The following TM9SF1 variants were observed in gnomAD, a reference collection of about 807,000 sequenced individuals.
TM9SF1 encodes transmembrane 9 superfamily member 1.
A neutral mutation model predicts 52.4 loss-of-function variants in TM9SF1; 25 were observed. The ratio of observed to expected loss-of-function variants is 0.48; its 90% CI spans 0.35 to 0.67. TM9SF1 has a LOEUF of 0.67. Among genes scored for constraint, TM9SF1 ranks in the 30% least tolerant of loss-of-function variants. The pLI is 0.01. For synonymous variants in TM9SF1, 284 were observed against 299.8 expected, an observed-to-expected ratio of 0.95 and a Z score of 0.55; for missense variants, 604 against 780.3, an observed-to-expected ratio of 0.77 and a Z score of 2.69.
At chr14:24,190,757 G>T (rs909000902) in intron 4 of TM9SF1, 104 bp from the exon 5 acceptor site, 13 of 1,056,774 alleles carry the variant, frequency 1.2e-5, no homozygotes, top group Non-Finnish European at 1.7e-5. Flanking sequence ...GAAGCAGCCT[G>T]CCACTCTAAC....
rs1480300316 is a variant in TM9SF1, at chr14:24,192,659, G to GCCAGGAACTGGGCACCCACGC, written c.935_955dup (p.Gly312_Leu318dup). The GCCAGGAACTGGGCACCCACGC allele has an allele frequency of 6.4e-7, 1 of 1,569,842 alleles. No individual in the cohort carries two copies. Among genetic ancestry groups the GCCAGGAACTGGGCACCCACGC allele is most frequent in the Non-Finnish European group, 8.6e-7 (1 of 1,157,490 alleles). ...TTTTATCACCTCACCAGTGCCAAGG[G>GCCAGGAACTGGGCACCCACGC]CCAGGAACTGGGCACCCACGCCAAG... is the stretch of plus-strand genomic sequence containing the variant. On this transcript the variant is annotated inframe_insertion, in exon 3 of 6. Coordinates refer to ENST00000261789, the MANE Select transcript of TM9SF1 (RefSeq NM_006405.7). The surrounding 1 kb of genome is among the most constrained non-coding windows in gnomAD (Gnocchi z 4.0).
intron 2 of TM9SF1, 106 bp from the exon 3 acceptor site, chr14:24,193,375 C>CT (rs2039352694): frequency 5.2e-5 from 68 of 1,315,180 alleles, no homozygotes; most frequent in Non-Finnish European, 6.3e-5. Context: ...GTGGATAATT[C>CT]TTTTTTTTCG....
At chr14:24,193,374 T>A in intron 2 of TM9SF1, 105 bp from the exon 3 acceptor site, 1 of 1,320,938 alleles carries the variant, frequency 7.6e-7, no homozygotes. Flanking sequence ...GGTGGATAAT[T>A]CTTTTTTTTC....
At position 24,192,332 on chromosome 14, in the gene TM9SF1, C is replaced by T; in HGVS notation, c.992G>A (p.Gly331Asp). 1 of 1,613,906 alleles carries T rather than the reference C, an allele frequency of 6.2e-7. No individual in the cohort carries two copies. Among genetic ancestry groups the T allele is most frequent in the Non-Finnish European group, 8.5e-7 (1 of 1,179,978 alleles). The stretch of plus-strand genomic sequence containing the variant: ...CCCATGACGGTGCACATTGAACATG[C>T]CCAGCAGTGCCATGACAATAATGCC... ...GTGIIVMALL[G>D]MFNVHRHGAI... The change falls in exon 4 of 6, where the codon GGC becomes GAC. Residue 331 changes from glycine to aspartate, a missense_variant. By Grantham distance (94) the Gly-to-Asp change is moderately conservative (BLOSUM62 -1). This residue lies in a region of TM9SF1 where 450 missense variants were observed against 560.1 expected (regional missense o/e 0.80). Coordinates refer to ENST00000261789, the MANE Select transcript of TM9SF1 (RefSeq NM_006405.7). The surrounding 1 kb of genome is among the most constrained non-coding windows in gnomAD (Gnocchi z 4.0).
rs2039359438 is a variant in TM9SF1, at chr14:24,193,852, G to A, written c.346-583C>T. ...GGAGAATGGCGTGAACCCGGGAGGT[G>A]GAGCTTGCAGTGAGCCGAGATTGCG... is the stretch of plus-strand genomic sequence containing the variant. On this transcript the variant is annotated intron_variant, in intron 2 of 5. Transcript: ENST00000261789. 2.0e-5 allele frequency among the ~76,000 whole-genome samples: 3 copies of A among 151,578 alleles called. 1 individual carries two copies. Among genetic ancestry groups the A allele is most frequent in the South Asian group, 4.2e-4 (2 of 4,774 alleles).
chr14:24,193,045 A>G lies in TM9SF1; in HGVS notation c.570T>C (p.Asp190=). 6.2e-7 allele frequency: 1 copy of G among 1,614,216 alleles called. No individual in the cohort carries two copies. The highest frequency in any genetic ancestry group is 2.2e-5 in the East Asian group (1 of 44,888). ...SVRDVKPHSL[D]GLRPDEFLGL... Reference sequence around the variant, plus strand: ...CTAGGAACTCGTCAGGTCGTAACCCATCCAAGCTGTGGGGCTTGACGTCCC... The same window carrying G: ...CTAGGAACTCGTCAGGTCGTAACCCGTCCAAGCTGTGGGGCTTGACGTCCC... The change falls in exon 3 of 6, where the codon GAT becomes GAC. Residue 190 remains aspartate (D), a synonymous_variant. Transcript: ENST00000261789.
chr14:24,190,003 A>G, intron 5 of TM9SF1, 195 bp from the exon 6 acceptor site: 1 of 1,388,832 alleles, frequency 7.2e-7, no homozygotes, highest in Non-Finnish European at 9.3e-7. Flanking sequence ...CACTTCAAGA[A>G]TATCTTCCCT....
chr14:24,190,210 A>G, intron 5 of TM9SF1, 170 bp downstream of exon 5: 1 of 1,444,514 alleles, frequency 6.9e-7, no homozygotes, highest in Non-Finnish European at 9.1e-7. Context: ...ACACTCTCAT[A>G]TCATTCAAGC....
chr14:24,192,788 G>C lies in TM9SF1; in HGVS notation c.827C>G (p.Ser276Cys). ...ARYNLDEETT[S>C]AGSGDDFDQG... ...GTCAAAGTCATCACCAGAACCTGCA[G>C]AGGTGGTCTCCTCATCTAAGTTGTA... Residue 276 changes from serine to cysteine, a missense_variant, in exon 3 of 6, where the codon TCT becomes TGT. Physicochemically the swap from Ser to Cys is moderately radical, Grantham distance 112. This residue lies in a region of TM9SF1 where 450 missense variants were observed against 560.1 expected (regional missense o/e 0.80). Coordinates refer to ENST00000261789, the MANE Select transcript of TM9SF1 (RefSeq NM_006405.7). This position sits in a 1 kb window ranked among gnomAD's most constrained non-coding sequence, Gnocchi z 4.0. The C allele has an allele frequency of 6.2e-7, 1 of 1,614,158 alleles. No individual in the cohort carries two copies. The highest frequency in any genetic ancestry group is 8.5e-7 in the Non-Finnish European group (1 of 1,180,002).
In TM9SF1 at chr14:24,190,497, T is replaced by C. The variant is rs1193718375; in HGVS notation, c.1310A>G (p.Asn437Ser). Residue 437 changes from asparagine to serine, a missense_variant, in exon 5 of 6, where the codon AAC (asparagine) becomes AGC (serine). By Grantham distance (46) the Asn-to-Ser change is conservative (BLOSUM62 1). Transcript: ENST00000261789. ...ACAGGGTGCATCAAAGGGGCTGGCGTTGTTCTTCCCAAAGATGCCTCCAAT... is the reference window on the plus strand; with the variant it reads ...ACAGGGTGCATCAAAGGGGCTGGCGCTGTTCTTCCCAAAGATGCCTCCAAT... ...TVIGGIFGKN[N>S]ASPFDAPCRT... is the part of the protein sequence containing the mutation. The C allele has an allele frequency of 3.1e-6, 5 of 1,614,008 alleles. No individual in the cohort carries two copies. The highest frequency in any genetic ancestry group is 4.2e-6 in the Non-Finnish European group (5 of 1,180,024).
intron 2 of TM9SF1, 73 bp downstream of exon 2, chr14:24,194,602 T>A: frequency 3.6e-6 from 5 of 1,387,332 alleles, no homozygotes; most frequent in Non-Finnish European, 4.0e-6. Context: ...AAAGGTACCC[T>A]GAACCATAAA....
Position 24,192,792 on chromosome 14 carries a change from T to G in TM9SF1, c.823A>C (p.Thr275Pro). Residue 275 changes from threonine (T) to proline (P), a missense_variant, in exon 3 of 6, where the codon ACC becomes CCC. Thr to Pro is a conservative substitution (Grantham distance 38). Transcript: ENST00000261789. The surrounding 1 kb of genome is among the most constrained non-coding windows in gnomAD (Gnocchi z 4.0). ...LARYNLDEET[T>P]SAGSGDDFDQ... ...AAGTCATCACCAGAACCTGCAGAGG[T>G]GGTCTCCTCATCTAAGTTGTACCGA... The G allele has an allele frequency of 6.2e-7, 1 of 1,614,034 alleles. No individual in the cohort carries two copies. Among genetic ancestry groups the G allele is most frequent in the Non-Finnish European group, 8.5e-7 (1 of 1,179,964 alleles).
chr14:24,192,935 A>G lies in TM9SF1; in HGVS notation c.680T>C (p.Phe227Ser), dbSNP rs2039344686. Residue 227 changes from phenylalanine (F) to serine (S), a missense_variant, in exon 3 of 6, where the codon TTC becomes TCC. Around this residue, in one of 3 missense-constraint regions of TM9SF1, gnomAD observed 450 missense variants for 560.1 expected, o/e 0.80. Coordinates refer to ENST00000261789, the MANE Select transcript of TM9SF1 (RefSeq NM_006405.7). The surrounding 1 kb of genome is among the most constrained non-coding windows in gnomAD (Gnocchi z 4.0). ...SDRRRGDDGGFFPRTLEIHWL... is the reference protein window; with the variant it reads ...SDRRRGDDGGSFPRTLEIHWL... Reference sequence around the variant, plus strand: ...ATGGATTTCCAGTGTTCGAGGAAAGAAACCACCATCGTCACCACGGCGCCT... The same window carrying G: ...ATGGATTTCCAGTGTTCGAGGAAAGGAACCACCATCGTCACCACGGCGCCT... The G allele has an allele frequency of 6.2e-7, 1 of 1,614,162 alleles. No homozygotes were observed. The highest frequency in any genetic ancestry group is 8.5e-7 in the Non-Finnish European group (1 of 1,180,010).
chr14:24,189,905 T>C, intron 5 of TM9SF1, 97 bp from the exon 6 acceptor site: 1 of 1,467,036 alleles, frequency 6.8e-7, no homozygotes, highest in Non-Finnish European at 9.0e-7. Context: ...CCCATGTTGC[T>C]GGGTCATTGT....
In TM9SF1 at chr14:24,189,313, A is replaced by G; in HGVS notation, c.*102T>C. 7.5e-7 allele frequency: 1 copy of G among 1,327,410 alleles called. No homozygotes were observed. The highest frequency in any genetic ancestry group is 1.0e-6 in the Non-Finnish European group (1 of 973,340). 82.2% of individuals were successfully genotyped at this position (1,327,410 alleles called of 1,614,324 possible). Reference sequence around the variant, plus strand: ...CCCAAAGGGCAAAAGGGAAGGCAACAATGCCATCACACAATTCAGTCAATC... The same window carrying G: ...CCCAAAGGGCAAAAGGGAAGGCAACGATGCCATCACACAATTCAGTCAATC... On this transcript the variant is annotated 3_prime_UTR_variant, in exon 6 of 6. Coordinates refer to ENST00000261789, the MANE Select transcript of TM9SF1 (RefSeq NM_006405.7).
intron 4 of TM9SF1, among the ~76,000 whole-genome samples, chr14:24,191,066 T>C (rs1046106935): frequency 3.3e-5 from 5 of 151,790 alleles, no homozygotes; most frequent in Admixed American, 6.6e-5. Flanking sequence ...GGGGTTTCAC[T>C]GTGTTAGCCA....
rs746030314 is a variant in TM9SF1, at chr14:24,194,740, C to A, written c.280G>T (p.Glu94Ter). The change falls in exon 2 of 6, where the codon GAG becomes TAG. Residue 94 changes from glutamate to a stop codon, truncating the protein, a stop_gained. Transcript: ENST00000261789. LOFTEE classifies it high-confidence loss of function. ...DGDRMAESLY[E>*]IRFRENVEKR... ...TCCACGTTTTCCCGAAAGCGGATCT[C>A]ATACAAAGACTCAGCCATTCGGTCC... 1 of 1,614,252 alleles carries A rather than the reference C, an allele frequency of 6.2e-7. No homozygotes were observed. Among genetic ancestry groups the A allele is most frequent in the South Asian group, 1.1e-5 (1 of 91,086 alleles).
intron 5 of TM9SF1, 176 bp downstream of exon 5, chr14:24,190,202 ACT>A (rs3052603): frequency 0.46 from 654,914 of 1,431,758 alleles, 151,002 homozygotes; most frequent in East Asian, 0.58. Flanking sequence ...TAAGTGAGAC[ACT>A]CTCATATCAT....
rs778217415 is a variant in TM9SF1 at position 24,190,589 on chromosome 14, A to G, written c.1218T>C (p.Ala406=). ...GCAGCAGGATGGTTGTGGCTGGCAGAGCCTGTGTCGAACCATTGGCCCAAT... is the reference window on the plus strand; with the variant it reads ...GCAGCAGGATGGTTGTGGCTGGCAGGGCCTGTGTCGAACCATTGGCCCAAT... ...SVHWANGSTQ[A]LPATTILLLL... Residue 406 remains alanine, a synonymous_variant, in exon 5 of 6, where the codon GCT becomes GCC. Coordinates refer to ENST00000261789, the MANE Select transcript of TM9SF1 (RefSeq NM_006405.7). 6.8e-6 allele frequency: 11 copies of G among 1,614,146 alleles called. No homozygotes were observed. The highest frequency in any genetic ancestry group is 5.5e-5 in the South Asian group (5 of 91,084).
Sources: gnomAD v4.1 joint callset for allele counts (sites outside exome capture counted in the v4.1 genomes callset) on GRCh38, gnomAD v4.1.1 for gene constraint, gnomAD v4.1.1 regional missense constraint, Gnocchi (gnomAD v3.1) non-coding constraint, MANE v1.5 for transcripts, NCBI Gene and HGNC (gene_info 2026-07-23, HGNC 2026-07-21) for gene names.